Variants in ARVCF observed in about 807,000 individuals in gnomAD.
ARVCF encodes ARVCF delta catenin family member.
In ARVCF, 66 loss-of-function variants were observed where a neutral mutation model predicts 90.9. The observed-to-expected ratio is 0.73, with a 90% CI of 0.60 to 0.89. The LOEUF (loss-of-function observed/expected upper bound fraction) is 0.89. ARVCF is among the 40% of genes least tolerant of loss of function. ARVCF has a pLI of 0.00. For synonymous variants in ARVCF, 653 were observed against 603.4 expected (o/e 1.08, Z -1.21); for missense variants, 1,469 against 1,382.3 (o/e 1.06, Z -1.00).
chr22:20,012,079 T>A (rs1033393731), intron 1 of ARVCF, among the ~76,000 whole-genome samples: 4 of 117,146 alleles, frequency 3.4e-5, no homozygotes, highest in Non-Finnish European at 3.5e-5. Context: ...CCTCCCAAAG[T>A]CCCCCCCCCC....
intron 3 of ARVCF, among the ~76,000 whole-genome samples, chr22:19,989,056 G>C (rs913407274): frequency 6.6e-6 from 1 of 152,176 alleles, no homozygotes; most frequent in African/African-American, 2.4e-5. Flanking sequence ...GGGTTGGACT[G>C]AGCACACTGG....
chr22:19,979,687 T>C, intron 6 of ARVCF, 56 bp downstream of exon 6: 1 of 1,522,888 alleles, frequency 6.6e-7, no homozygotes, highest in Non-Finnish European at 8.9e-7. Context: ...CCTCCCGGGT[T>C]GAGCCTCACA....
At chr22:19,982,140 C>G in intron 3 of ARVCF, 49 bp from the exon 4 acceptor site, 1 of 1,595,982 alleles carries the variant, frequency 6.3e-7, no homozygotes, top group South Asian at 1.1e-5. Flanking sequence ...TCAGTCACCC[C>G]TGGAGTGCAG....
intron 2 of ARVCF, among the ~76,000 whole-genome samples, chr22:20,005,297 A>G (rs1363663097): frequency 1.3e-5 from 2 of 152,150 alleles, no homozygotes; most frequent in African/African-American, 4.8e-5. Context: ...AATTTGCTCA[A>G]CATTTCTATC....
chr22:19,981,897 C>T lies in ARVCF; in HGVS notation c.369+36G>A, dbSNP rs116430025. The T allele has an allele frequency of 2.5e-3, 4,047 of 1,605,506 alleles. 105 individuals carry two copies. The African/African-American group carries it at 0.048, about 19-fold the overall frequency. On this transcript the variant is annotated intron_variant, in intron 4 of 19. Coordinates refer to ENST00000263207, the MANE Select transcript of ARVCF (RefSeq NM_001670.3). ...GGTGGGACAGCTGCAGCAGCCTGGC[C>T]CTGCTCACCCACCCACTGCCTGGGC...
At chr22:19,998,150 C>T (rs928769319) in intron 2 of ARVCF, among the ~76,000 whole-genome samples, 2 of 152,242 alleles carry the variant, frequency 1.3e-5, no homozygotes, top group African/African-American at 4.8e-5. Context: ...CAGCTGTCCA[C>T]CAGGCTGAGG....
At chr22:19,973,602 A>G (rs1181875597) in intron 13 of ARVCF, 41 bp downstream of exon 13, 1 of 1,575,316 alleles carries the variant, frequency 6.3e-7, no homozygotes, top group Non-Finnish European at 8.6e-7. Context: ...AGCTGCAGGC[A>G]CAGTTCGGTG....
Position 19,973,170 on chromosome 22 carries a change from G to C in ARVCF, c.2387C>G (p.Ser796Trp). The C allele has an allele frequency of 6.2e-7, 1 of 1,610,494 alleles. No homozygotes were observed. Among genetic ancestry groups the C allele is most frequent in the Non-Finnish European group, 8.5e-7 (1 of 1,179,108 alleles). ...IVSDSLDNARSLLQARGVPAL... is the reference protein window; with the variant it reads ...IVSDSLDNARWLLQARGVPAL... ...TGGCACCCCGCGTGCCTGCAGGAGC[G>C]AGCGCGCGTTATCCAGGCTGTCGGA... is the stretch of plus-strand genomic sequence containing the variant. Residue 796 changes from serine to tryptophan, a missense_variant, in exon 14 of 20, where the codon TCG (serine) becomes TGG (tryptophan). Transcript: ENST00000263207.
rs1363069874 is a variant in ARVCF, at chr22:19,972,947, C to T, written c.2528G>A (p.Gly843Asp). 1 of 1,613,862 alleles carries T rather than the reference C, an allele frequency of 6.2e-7. No individual in the cohort carries two copies. Among genetic ancestry groups the T allele is most frequent in the South Asian group, 1.1e-5 (1 of 91,090 alleles). The change falls in exon 15 of 20, where the codon GGT (glycine) becomes GAT (aspartate). Residue 843 changes from glycine to aspartate, a missense_variant. Gly to Asp is a moderately conservative substitution (Grantham distance 94, BLOSUM62 -1). Coordinates refer to ENST00000263207, the MANE Select transcript of ARVCF (RefSeq NM_001670.3). ...KELRGTLQKDGWTKARFQSAA... is the reference protein window; with the variant it reads ...KELRGTLQKDDWTKARFQSAA... ...CACCTGGAAGCGCGCCTTGGTCCAA[C>T]CATCTTTCTGCAAGGTACCACGCAG...
chr22:19,970,504 T>C lies in ARVCF; in HGVS notation c.*252A>G. The C allele has an allele frequency of 9.4e-7, 1 of 1,067,404 alleles. No individual in the cohort carries two copies. The highest frequency in any genetic ancestry group is 1.1e-6 in the Non-Finnish European group (1 of 876,534). The allele number at this position is 1,067,404 out of a possible 1,614,324, so 66.1% of individuals were successfully genotyped here. On this transcript the variant is annotated 3_prime_UTR_variant, in exon 20 of 20. Transcript: ENST00000263207. ...CAGCCCAGTCGGCCTCCTCGGGCCT[T>C]CTGTCACTCGCTCACACACAGCACC...
Position 19,977,374 on chromosome 22 carries a change from G to A in ARVCF, c.1870+41C>T, listed in dbSNP as rs751362260. The A allele has an allele frequency of 3.4e-6, 5 of 1,474,336 alleles. 1 individual carries two copies. The South Asian group carries it at 4.3e-5, about 13-fold the overall frequency. The allele number at this position is 1,474,336 out of a possible 1,614,324, so 91.3% of individuals were successfully genotyped here. A position where few individuals can be genotyped will look rare whatever the true frequency, so the allele number is the denominator to read the frequency against. ...CAGAGAGCCTTCCGCTGGGGCAGGAGTTGAGATGGTAGAGATGATACCCCA... is the reference window on the plus strand; with the variant it reads ...CAGAGAGCCTTCCGCTGGGGCAGGAATTGAGATGGTAGAGATGATACCCCA... On this transcript the variant is annotated intron_variant, in intron 9 of 19. Transcript: ENST00000263207.
downstream of ARVCF, chr22:19,968,569 C>T: frequency 6.2e-7 from 1 of 1,614,096 alleles, no homozygotes; most frequent in South Asian, 1.1e-5. Context: ...GACAGTGCTA[C>T]TGGCTGACAA....
rs752378332 is a variant in ARVCF at position 19,977,958 on chromosome 22, CTTG to C, written c.1695_1697del (p.Asn565del). On this transcript the variant is annotated inframe_deletion and splice_region_variant, in exon 8 of 20. Coordinates refer to ENST00000263207, the MANE Select transcript of ARVCF (RefSeq NM_001670.3). ...TGAGGCTGTGACCGTCCCTGCCCAC[CTTG>C]TTGTCAGTGTCCTTCCGGCCCACAG... is the stretch of plus-strand genomic sequence containing the variant. The C allele has an allele frequency of 3.1e-6, 5 of 1,604,286 alleles. No individual in the cohort carries two copies. The African/African-American group carries it at 6.7e-5, about 21-fold the overall frequency.
downstream of ARVCF, among the ~76,000 whole-genome samples, chr22:19,966,747 TTTG>T (rs1024055763): frequency 8.0e-5 from 12 of 149,688 alleles, no homozygotes; most frequent in Non-Finnish European, 4.4e-5. Context: ...GCTCCAACTT[TTTG>T]TTGTTGTTTC....
chr22:19,970,637 C>T lies in ARVCF; in HGVS notation c.*119G>A, dbSNP rs1942703394. The T allele has an allele frequency of 3.1e-6, 4 of 1,281,178 alleles. No homozygotes were observed. In the Admixed American group the frequency reaches 9.5e-5, roughly 30 times the overall value. The allele number at this position is 1,281,178 out of a possible 1,614,324, so 79.4% of individuals were successfully genotyped here. On this transcript the variant is annotated 3_prime_UTR_variant, in exon 20 of 20. Coordinates refer to ENST00000263207, the MANE Select transcript of ARVCF (RefSeq NM_001670.3). ...AGTCAGGCTTGGCTGGGGCGAGGCG[C>T]TGCCAACCCCTGCCGCCAGGGGGCT...
At chr22:19,985,624 G>A (rs1943726503) in intron 3 of ARVCF, among the ~76,000 whole-genome samples, 1 of 152,240 alleles carries the variant, frequency 6.6e-6, no homozygotes. Context: ...AGAAAAGCAA[G>A]ATTGGACCAA....
chr22:19,972,495 T>C (rs1601567178), intron 16 of ARVCF, 84 bp from the exon 17 acceptor site: 3 of 1,542,168 alleles, frequency 1.9e-6, no homozygotes, highest in Non-Finnish European at 2.7e-6. Context: ...CTGGCCCAGG[T>C]AGCCCTAGAG....
At chr22:20,011,498 G>A (rs1023764171) in intron 1 of ARVCF, among the ~76,000 whole-genome samples, 5 of 151,928 alleles carry the variant, frequency 3.3e-5, no homozygotes, top group Admixed American at 6.5e-5. Context: ...CCCGTCTCAC[G>A]ACAGCCTCTT....
chr22:19,966,968 A>G (rs958035558), downstream of ARVCF: 2 of 985,264 alleles, frequency 2.0e-6, no homozygotes, highest in Admixed American at 6.2e-5. Flanking sequence ...TCAGACGCTG[A>G]TGCATGTTTA....
Sources: allele counts gnomAD v4.1 joint callset (sites outside exome capture counted in the v4.1 genomes callset), GRCh38; gene constraint gnomAD v4.1.1; transcripts MANE v1.5; gene names NCBI Gene and HGNC (gene_info 2026-07-23, HGNC 2026-07-21).